The following DLGAP2 variants were observed in gnomAD, a reference collection of about 807,000 sequenced individuals.
The protein encoded by DLGAP2 is DLG associated protein 2, also known as disks large-associated protein 2.
Under a neutral mutation model 100.3 loss-of-function variants are expected in DLGAP2, and 26 were observed. That is an observed-to-expected ratio of 0.26 (90% CI 0.19 to 0.36). DLGAP2 has a LOEUF of 0.36. Ranked by LOEUF, DLGAP2 falls within the 10% of genes least tolerant of loss-of-function variation. The pLI is 1.00. For missense variants in DLGAP2, 1,858 were observed against 1,453.2 expected, an observed-to-expected ratio of 1.28 and a Z score of -4.53; for synonymous variants, 886 against 630.1, an observed-to-expected ratio of 1.41 and a Z score of -6.08.
chr8:1,651,568 C>G (rs919522181), intron 8 of DLGAP2, among the ~76,000 whole-genome samples: 2 of 152,198 alleles, frequency 1.3e-5, no homozygotes, highest in East Asian at 3.9e-4. Flanking sequence ...GGGCGTCCAT[C>G]CCTTCTGGAA....
chr8:1,580,322 A>G (rs997230112), intron 6 of DLGAP2, among the ~76,000 whole-genome samples: 2 of 152,218 alleles, frequency 1.3e-5, no homozygotes, highest in African/African-American at 4.8e-5. Flanking sequence ...GATGGGGTTC[A>G]TGGTTTCAGA....
chr8:877,188 C>G (rs1052754679), intron 1 of DLGAP2, among the ~76,000 whole-genome samples: 1 of 152,082 alleles, frequency 6.6e-6, no homozygotes, highest in Non-Finnish European at 1.5e-5. Flanking sequence ...ATGGATCATA[C>G]TTTCCTATCT....
At chr8:999,559 A>G (rs1244591818) in intron 2 of DLGAP2, among the ~76,000 whole-genome samples, 4 of 151,528 alleles carry the variant, frequency 2.6e-5, no homozygotes, top group African/African-American at 7.3e-5. Context: ...GCTCACTGCA[A>G]ACTCCACCTT....
intron 1 of DLGAP2, among the ~76,000 whole-genome samples, chr8:789,514 A>G (rs1821968585): frequency 6.6e-6 from 1 of 152,198 alleles, no homozygotes; most frequent in African/African-American, 2.4e-5. Context: ...TTGACGTGAG[A>G]TTTGGGTGGA....
At chr8:1,571,104 C>T (rs1315422782) in intron 6 of DLGAP2, among the ~76,000 whole-genome samples, 3 of 60,546 alleles carry the variant, frequency 5.0e-5, no homozygotes, top group Non-Finnish European at 8.9e-5. Context: ...ACTGTGGGGA[C>T]ATCTGATGAG....
chr8:1,414,541 G>A (rs566081751), intron 3 of DLGAP2, among the ~76,000 whole-genome samples: 11 of 152,280 alleles, frequency 7.2e-5, no homozygotes, highest in African/African-American at 2.2e-4. Flanking sequence ...GGGACTGACC[G>A]GGCTGTGGGT....
chr8:1,181,393 G>C (rs919606546), intron 2 of DLGAP2, among the ~76,000 whole-genome samples: 1 of 152,218 alleles, frequency 6.6e-6, no homozygotes, highest in African/African-American at 2.4e-5. Flanking sequence ...AGATTGCTAA[G>C]GATAATGGCC....
At chr8:1,255,766 G>C (rs1585197814) in intron 2 of DLGAP2, among the ~76,000 whole-genome samples, 1 of 143,058 alleles carries the variant, frequency 7.0e-6, no homozygotes, top group Non-Finnish European at 1.5e-5. Context: ...CTCCTGCCTG[G>C]GTGCTGTGTG....
intron 2 of DLGAP2, chr8:1,019,511 C>G (rs1351400540): frequency 6.6e-6 from 1 of 151,552 alleles, no homozygotes; most frequent in East Asian, 2.0e-4. Context: ...GAGCACATTT[C>G]CCTCTAAAGA....
chr8:975,123 C>A (rs1385541874), intron 2 of DLGAP2, among the ~76,000 whole-genome samples: 1 of 152,108 alleles, frequency 6.6e-6, no homozygotes, highest in Non-Finnish European at 1.5e-5. Flanking sequence ...AACTCTGTGT[C>A]CAAGAATTTG....
intron 3 of DLGAP2, among the ~76,000 whole-genome samples, chr8:1,292,289 G>A (rs1269790719): frequency 6.6e-6 from 1 of 152,218 alleles, no homozygotes; most frequent in Non-Finnish European, 1.5e-5. Context: ...GCCAAGGAAT[G>A]TGGAAGGACA....
chr8:1,101,614 C>A (rs943849001), intron 2 of DLGAP2, among the ~76,000 whole-genome samples: 3 of 151,956 alleles, frequency 2.0e-5, no homozygotes, highest in Non-Finnish European at 2.9e-5. Flanking sequence ...ATGGGAAGGT[C>A]CTCATCACCC....
chr8:1,255,009 G>GTGTGTGCCCTCTCATCCTGCCC (rs1173185298), intron 2 of DLGAP2, among the ~76,000 whole-genome samples: 1 of 103,632 alleles, frequency 9.6e-6, no homozygotes, highest in African/African-American at 4.5e-5. Flanking sequence ...CATCCTGCTT[G>GTGTGTGCCCTCTCATCCTGCCC]GGCGCTGTGT....
chr8:1,242,014 A>G (rs6994812), intron 2 of DLGAP2, among the ~76,000 whole-genome samples: 131,478 of 152,248 alleles, frequency 0.86, 56,906 homozygotes, highest in Middle Eastern at 0.94. Flanking sequence ...AGGGAATGGT[A>G]CGCAGGTAGA....
At chr8:883,265 G>C (rs530206531) in intron 1 of DLGAP2, 5 of 152,460 alleles carry the variant, frequency 3.3e-5, no homozygotes, top group African/African-American at 1.2e-4. Context: ...GTCTCAGGCT[G>C]TCTGGACCAG....
chr8:1,531,149 A>C (rs895954088), intron 4 of DLGAP2, among the ~76,000 whole-genome samples: 3 of 152,076 alleles, frequency 2.0e-5, no homozygotes, highest in African/African-American at 7.2e-5. Context: ...TTTTGAAGCA[A>C]CTTAAGTTCC....
chr8:1,129,682 C>T (rs1796245018), intron 2 of DLGAP2, among the ~76,000 whole-genome samples: 1 of 152,158 alleles, frequency 6.6e-6, no homozygotes, highest in Admixed American at 6.6e-5. Flanking sequence ...ACTGTGGATA[C>T]AGTTCGAGTT....
intron 2 of DLGAP2, among the ~76,000 whole-genome samples, chr8:1,058,760 G>A (rs1456395498): frequency 6.6e-6 from 1 of 152,208 alleles, no homozygotes; most frequent in African/African-American, 2.4e-5. Context: ...CAAAGATCAA[G>A]TGATCTTAAA....
At chr8:1,131,618 A>G (rs1796296955) in intron 2 of DLGAP2, among the ~76,000 whole-genome samples, 1 of 152,048 alleles carries the variant, frequency 6.6e-6, no homozygotes, top group Non-Finnish European at 1.5e-5. Context: ...CACCTGCTCC[A>G]TACAGTGACT....
Sources: allele counts gnomAD v4.1 joint callset (sites outside exome capture counted in the v4.1 genomes callset), GRCh38; gene constraint gnomAD v4.1.1; transcripts MANE v1.5; gene names NCBI Gene and HGNC (gene_info 2026-07-23, HGNC 2026-07-21).